The following OCLN variants were observed in gnomAD, a reference collection of about 807,000 sequenced individuals.
The protein encoded by OCLN is phosphatase 1, regulatory subunit 115.
In OCLN, 21 loss-of-function variants were observed where a neutral mutation model predicts 47.9. That is an observed-to-expected ratio of 0.44 (90% CI 0.31 to 0.63). The LOEUF (loss-of-function observed/expected upper bound fraction) is 0.63, where lower values mean the gene tolerates loss of function less well. OCLN is among the 30% of genes least tolerant of loss of function. The pLI, the probability that OCLN is intolerant of heterozygous loss-of-function variation, is 0.08. For synonymous variants in OCLN, 117 were observed against 198.4 expected, an observed-to-expected ratio of 0.59 and a Z score of 3.45; for missense variants, 360 against 571.0, an observed-to-expected ratio of 0.63 and a Z score of 3.77.
At chr5:69,517,314 ATT>A (rs58026583) in intron 4 of OCLN, among the ~76,000 whole-genome samples, 79,269 of 130,802 alleles carry the variant, frequency 0.61, 24,161 homozygotes, top group Non-Finnish European at 0.7. Context: ...ATATATATAT[ATT>A]TTTTTTTTTT....
intron 7 of OCLN, among the ~76,000 whole-genome samples, chr5:69,549,270 G>A (rs1769792375): frequency 8.1e-6 from 1 of 123,344 alleles, no homozygotes; most frequent in South Asian, 2.9e-4. Context: ...GAACCCAGGA[G>A]GCGGAGCTTG....
intron 4 of OCLN, among the ~76,000 whole-genome samples, chr5:69,520,507 G>T (rs1026236942): frequency 4.0e-5 from 6 of 151,306 alleles, no homozygotes; most frequent in Admixed American, 2.6e-4. Context: ...CACCATCTTG[G>T]CCAGGCTGGC....
chr5:69,524,411 A>C (rs535885748), intron 4 of OCLN, among the ~76,000 whole-genome samples: 24 of 152,284 alleles, frequency 1.6e-4, no homozygotes, highest in African/African-American at 5.8e-4. Context: ...TTGCTTTTTA[A>C]GTTTTTACCT....
intron 4 of OCLN, among the ~76,000 whole-genome samples, chr5:69,515,683 G>A (rs1258112912): frequency 6.6e-6 from 1 of 151,040 alleles, no homozygotes. Flanking sequence ...GGGCAGAGAC[G>A]CTCCTCACTT....
At chr5:69,518,481 CCTTT>C (rs1769038738) in intron 4 of OCLN, among the ~76,000 whole-genome samples, 1 of 152,162 alleles carries the variant, frequency 6.6e-6, no homozygotes, top group African/African-American at 2.4e-5. Context: ...AGATATTTTG[CCTTT>C]CTTTCTATTC....
chr5:69,526,399 G>A (rs533802311), intron 4 of OCLN, among the ~76,000 whole-genome samples: 1 of 152,134 alleles, frequency 6.6e-6, no homozygotes, highest in Non-Finnish European at 1.5e-5. Flanking sequence ...CAGGCTGGGC[G>A]ACCAAAGACA....
intron 1 of OCLN, among the ~76,000 whole-genome samples, chr5:69,503,077 G>A (rs1380652977): frequency 2.0e-5 from 3 of 152,270 alleles, no homozygotes; most frequent in Middle Eastern, 3.4e-3. Flanking sequence ...ATGGAGGGTC[G>A]TTTTGAGGAT....
chr5:69,500,745 A>C (rs531977510), intron 1 of OCLN, among the ~76,000 whole-genome samples: 2 of 152,160 alleles, frequency 1.3e-5, no homozygotes, highest in South Asian at 4.2e-4. Flanking sequence ...ACAACTCTGA[A>C]TCCTGGAAAT....
At chr5:69,494,727 A>T (rs773207758) in intron 1 of OCLN, among the ~76,000 whole-genome samples, 2 of 152,250 alleles carry the variant, frequency 1.3e-5, no homozygotes, top group Non-Finnish European at 2.9e-5. Flanking sequence ...TGCCTCCTGC[A>T]CGTGAGGCAC....
At chr5:69,525,484 C>A (rs1769254926) in intron 4 of OCLN, among the ~76,000 whole-genome samples, 1 of 152,100 alleles carries the variant, frequency 6.6e-6, no homozygotes, top group Non-Finnish European at 1.5e-5. Flanking sequence ...TGGTGTTAGA[C>A]TTTATAATAT....
At chr5:69,510,668 A>T (rs1025924475) in intron 3 of OCLN, among the ~76,000 whole-genome samples, 2 of 152,102 alleles carry the variant, frequency 1.3e-5, no homozygotes, top group Admixed American at 1.3e-4. Flanking sequence ...TGAGCGACAG[A>T]GCAAGACTCC....
chr5:69,505,722 C>T (rs553125251), intron 2 of OCLN, among the ~76,000 whole-genome samples: 2 of 152,222 alleles, frequency 1.3e-5, no homozygotes, highest in Admixed American at 1.3e-4. Flanking sequence ...TAGGGATTTC[C>T]TCCTCTAAGT....
chr5:69,527,276 CAAA>C (rs764804781), intron 4 of OCLN, among the ~76,000 whole-genome samples: 3 of 125,548 alleles, frequency 2.4e-5, no homozygotes, highest in Non-Finnish European at 3.4e-5. Flanking sequence ...GACTTCGTCT[CAAA>C]AAAAAAAAAA....
intron 1 of OCLN, among the ~76,000 whole-genome samples, chr5:69,503,665 G>A (rs1011242430): frequency 1.3e-5 from 2 of 152,098 alleles, no homozygotes; most frequent in African/African-American, 4.8e-5. Flanking sequence ...TTAATACCAT[G>A]CATATTGTTT....
intron 1 of OCLN, among the ~76,000 whole-genome samples, chr5:69,503,771 T>G (rs1035469723): frequency 6.6e-6 from 1 of 152,186 alleles, no homozygotes; most frequent in Non-Finnish European, 1.5e-5. Context: ...TAGATGCATT[T>G]TATTATCATT....
In OCLN at chr5:69,504,253, C is replaced by T. The variant is rs1768534457; in HGVS notation, c.9C>T (p.Ser3=). 3.7e-6 allele frequency: 6 copies of T among 1,608,892 alleles called. No individual in the cohort carries two copies. Among genetic ancestry groups the T allele is most frequent in the Non-Finnish European group, 5.1e-6 (6 of 1,175,226 alleles). MS[S]RPLESPPPYR... is the part of the protein sequence containing the mutation. ...ACCATTGACAATCAGCCATGTCATCCAGGCCTCTTGAAAGTCCACCTCCTT... is the reference window on the plus strand; with the variant it reads ...ACCATTGACAATCAGCCATGTCATCTAGGCCTCTTGAAAGTCCACCTCCTT... Residue 3 remains serine, a synonymous_variant, in exon 2 of 9, where the codon TCC becomes TCT. Coordinates refer to ENST00000396442, the MANE Select transcript of OCLN (RefSeq NM_001205254.2).
chr5:69,549,979 GTT>G (rs545929478), intron 7 of OCLN, among the ~76,000 whole-genome samples: 9 of 142,636 alleles, frequency 6.3e-5, no homozygotes, highest in African/African-American at 2.0e-4. Flanking sequence ...TTAACAGCAA[GTT>G]TTTTTTTTTA....
intron 4 of OCLN, among the ~76,000 whole-genome samples, chr5:69,522,415 G>A (rs1468571772): frequency 6.6e-6 from 1 of 151,948 alleles, no homozygotes; most frequent in Non-Finnish European, 1.5e-5. Flanking sequence ...AGACCTTTAA[G>A]ATCACCAGAA....
intron 5 of OCLN, among the ~76,000 whole-genome samples, chr5:69,535,747 A>G (rs988573469): frequency 1.3e-5 from 2 of 148,312 alleles, no homozygotes; most frequent in African/African-American, 5.0e-5. Context: ...GCATGTTAAT[A>G]TACCAAATAC....
Sources: allele counts gnomAD v4.1 joint callset (sites outside exome capture counted in the v4.1 genomes callset), GRCh38; gene constraint gnomAD v4.1.1; transcripts MANE v1.5; gene names NCBI Gene and HGNC (gene_info 2026-07-23, HGNC 2026-07-21).